The following KCNIP4 variants were observed in gnomAD, a reference collection of about 807,000 sequenced individuals.
KCNIP4 encodes the protein potassium voltage-gated channel interacting protein 4.
KCNIP4 carries 12 observed loss-of-function variants against 34.0 expected under a neutral mutation model. The ratio of observed to expected loss-of-function variants is 0.35; its 90% CI spans 0.23 to 0.57. KCNIP4 has a LOEUF of 0.57. KCNIP4 is among the 20% of genes least tolerant of loss of function. KCNIP4 has a pLI of 0.83. For missense variants in KCNIP4, 238 were observed against 311.7 expected, an observed-to-expected ratio of 0.76 and a Z score of 1.78; for synonymous variants, 124 against 102.2, an observed-to-expected ratio of 1.21 and a Z score of -1.29.
chr4:21,273,094 G>T (rs1762247096), intron 1 of KCNIP4, among the ~76,000 whole-genome samples: 1 of 152,070 alleles, frequency 6.6e-6, no homozygotes, highest in African/African-American at 2.4e-5. Flanking sequence ...ACTATTTATT[G>T]TTATTCTTAA....
At chr4:21,010,325 T>C (rs987224855) in intron 1 of KCNIP4, among the ~76,000 whole-genome samples, 2 of 152,218 alleles carry the variant, frequency 1.3e-5, no homozygotes, top group African/African-American at 2.4e-5. Flanking sequence ...ATTTTTAACA[T>C]TTAAAATAGA....
chr4:21,397,079 T>C (rs1035840877), intron 1 of KCNIP4, among the ~76,000 whole-genome samples: 1 of 152,140 alleles, frequency 6.6e-6, no homozygotes, highest in Non-Finnish European at 1.5e-5. Flanking sequence ...GGGTGTTCTT[T>C]CAGAACCTAT....
chr4:20,898,036 C>T (rs1726750025), intron 1 of KCNIP4, among the ~76,000 whole-genome samples: 1 of 152,066 alleles, frequency 6.6e-6, no homozygotes, highest in African/African-American at 2.4e-5. Context: ...TGTGGGTGGA[C>T]ATCATCTAGT....
intron 1 of KCNIP4, among the ~76,000 whole-genome samples, chr4:21,934,342 G>A (rs1729731741): frequency 6.6e-6 from 1 of 151,886 alleles, no homozygotes; most frequent in African/African-American, 2.4e-5. Context: ...GGCCCTGCAG[G>A]TTACTTTCAT....
intron 1 of KCNIP4, among the ~76,000 whole-genome samples, chr4:21,761,976 G>A (rs1253840740): frequency 2.0e-5 from 3 of 151,908 alleles, no homozygotes; most frequent in Non-Finnish European, 4.4e-5. Context: ...TTTTAAATGT[G>A]AAAAATCATA....
Position 21,527,371 on chromosome 4 carries a change from T to C in KCNIP4, c.61+421200A>G, listed in dbSNP as rs574942918. ...GAAAGAATCAACAATTCCTACCACA[T>C]TGAGACGTGGAATCCTTGGCCTATA... On this transcript the variant is annotated intron_variant, in intron 1 of 8. Coordinates refer to ENST00000382152, the MANE Select transcript of KCNIP4 (RefSeq NM_025221.6). 9.2e-5 allele frequency among the ~76,000 whole-genome samples: 14 copies of C among 152,262 alleles called. 1 individual carries two copies. The South Asian group carries it at 2.1e-3, about 23-fold the overall frequency.
chr4:21,374,642 TATG>T (rs966524498), intron 1 of KCNIP4, among the ~76,000 whole-genome samples: 8 of 147,676 alleles, frequency 5.4e-5, no homozygotes, highest in Non-Finnish European at 4.4e-5. Context: ...TGTTTTAAAA[TATG>T]ATGGCAGTTT....
intron 1 of KCNIP4, among the ~76,000 whole-genome samples, chr4:21,674,950 C>T (rs1749776586): frequency 6.6e-6 from 1 of 151,980 alleles, no homozygotes. Flanking sequence ...GGAAGATGCC[C>T]ATAAAAATCT....
At chr4:21,071,614 C>A (rs546601537) in intron 1 of KCNIP4, among the ~76,000 whole-genome samples, 1 of 152,092 alleles carries the variant, frequency 6.6e-6, no homozygotes, top group African/African-American at 2.4e-5. Flanking sequence ...GTATATATAT[C>A]TGTTGGGATT....
At chr4:21,142,060 A>G (rs534587187) in intron 1 of KCNIP4, among the ~76,000 whole-genome samples, 2 of 149,098 alleles carry the variant, frequency 1.3e-5, no homozygotes, top group African/African-American at 4.9e-5. Flanking sequence ...CTGAGGCAGG[A>G]GAATCGTGTG....
At chr4:21,186,730 C>A (rs1161390892) in intron 1 of KCNIP4, among the ~76,000 whole-genome samples, 1 of 152,170 alleles carries the variant, frequency 6.6e-6, no homozygotes, top group Non-Finnish European at 1.5e-5. Context: ...CAGCGGCCTT[C>A]ACCTGCCACG....
chr4:21,185,470 T>C (rs79434912), intron 1 of KCNIP4, among the ~76,000 whole-genome samples: 3,165 of 151,924 alleles, frequency 0.021, 112 homozygotes, highest in African/African-American at 0.073. Context: ...CTTCTTCTTC[T>C]TCCTCCTCCT....
chr4:20,839,145 T>C (rs1719410479), intron 3 of KCNIP4, among the ~76,000 whole-genome samples: 1 of 152,152 alleles, frequency 6.6e-6, no homozygotes, highest in Non-Finnish European at 1.5e-5. Flanking sequence ...TTCTAACTTT[T>C]TTTAGGGAGG....
intron 1 of KCNIP4, among the ~76,000 whole-genome samples, chr4:21,669,310 G>C (rs1485145090): frequency 6.6e-6 from 1 of 152,132 alleles, no homozygotes; most frequent in African/African-American, 2.4e-5. Flanking sequence ...TGTTGCCCAG[G>C]CTGTTTTCAA....
At chr4:21,574,901 A>ATCCTG (rs1263925968) in intron 1 of KCNIP4, among the ~76,000 whole-genome samples, 4 of 152,172 alleles carry the variant, frequency 2.6e-5, no homozygotes, top group African/African-American at 9.7e-5. Context: ...TACTATTATT[A>ATCCTG]TCCTGACAAC....
intron 1 of KCNIP4, among the ~76,000 whole-genome samples, chr4:21,860,682 A>G (rs2109350173): frequency 6.6e-6 from 1 of 151,570 alleles, no homozygotes; most frequent in South Asian, 2.1e-4. Flanking sequence ...AAAAAATCAG[A>G]TATAACATTT....
At chr4:21,543,339 C>G (rs916705094) in intron 1 of KCNIP4, among the ~76,000 whole-genome samples, 1 of 151,906 alleles carries the variant, frequency 6.6e-6, no homozygotes, top group Non-Finnish European at 1.5e-5. Context: ...TGTCAGTTTT[C>G]TAAAAACTGT....
intron 1 of KCNIP4, among the ~76,000 whole-genome samples, chr4:21,776,344 G>A (rs1487967819): frequency 1.3e-5 from 2 of 150,812 alleles, no homozygotes; most frequent in South Asian, 2.1e-4. Context: ...TTTTTTTTTC[G>A]ATGGGAGCCT....
At chr4:20,808,921 T>C (rs1402990343) in intron 3 of KCNIP4, among the ~76,000 whole-genome samples, 2 of 152,210 alleles carry the variant, frequency 1.3e-5, no homozygotes, top group African/African-American at 2.4e-5. Flanking sequence ...GTAACTTATC[T>C]ACCATAACCG....
Sources: gnomAD v4.1 joint callset for allele counts (sites outside exome capture counted in the v4.1 genomes callset) on GRCh38, gnomAD v4.1.1 for gene constraint, MANE v1.5 for transcripts, NCBI Gene and HGNC (gene_info 2026-07-23, HGNC 2026-07-21) for gene names.